HDAC8: variants seen among roughly 807,000 people sequenced by gnomAD.
The protein encoded by HDAC8 is histone deacetylase 8, also known as histone deacetylase-like 1.
Under a neutral mutation model 32.2 loss-of-function variants are expected in HDAC8, and 1 was observed. The ratio of observed to expected loss-of-function variants is 0.03; its 90% CI spans 0.01 to 0.15. HDAC8 has a LOEUF of 0.15. Ranked by LOEUF, HDAC8 falls within the 10% of genes least tolerant of loss-of-function variation. HDAC8 has a pLI of 1.00. For missense variants in HDAC8, 117 were observed against 300.0 expected (o/e 0.39, Z 4.51); for synonymous variants, 108 against 113.9 (o/e 0.95, Z 0.33).
At chrX:72,478,034 A>G (rs1197706686) in intron 7 of HDAC8, among the ~76,000 whole-genome samples, 1 of 112,703 alleles carries the variant, frequency 8.9e-6, no homozygotes, top group East Asian at 2.8e-4. Context: ...AAACACAGGG[A>G]AGCGATTCAT....
At position 72,481,118 on chromosome X, in the gene HDAC8, C is replaced by G. The variant is rs1385731847; in HGVS notation, c.737+7815G>C. On this transcript the variant is annotated intron_variant, in intron 7 of 10. Coordinates refer to ENST00000373573, the MANE Select transcript of HDAC8 (RefSeq NM_018486.3). ...AGAGGTTCTGCAGGGCTGGGGAAGC[C>G]TCAGGAAACTTACAATCATGGCAGA... Among the ~76,000 whole-genome samples the G allele has an allele frequency of 3.6e-5, 4 of 110,613 alleles. No individual in the cohort carries two copies. The Admixed American group carries it at 3.8e-4, about 11-fold the overall frequency.
intron 4 of HDAC8, among the ~76,000 whole-genome samples, chrX:72,499,804 T>G (rs2049146580): frequency 9.0e-6 from 1 of 111,223 alleles, no homozygotes; most frequent in Non-Finnish European, 1.9e-5. Flanking sequence ...TGAAGGAAAT[T>G]GAGACATGAA....
chrX:72,482,412 G>C (rs782527982), intron 7 of HDAC8, among the ~76,000 whole-genome samples: 2 of 112,112 alleles, frequency 1.8e-5, no homozygotes, highest in African/African-American at 6.5e-5. Flanking sequence ...TTTAGGAATT[G>C]AAAACCTAAG....
chrX:72,527,977 T>C (rs782449986), intron 4 of HDAC8, among the ~76,000 whole-genome samples: 72 of 110,008 alleles, frequency 6.5e-4, no homozygotes, highest in Middle Eastern at 4.6e-3. Context: ...GGTTTCACCA[T>C]GTTGGGCAGG....
At chrX:72,470,063 G>A (rs994700373) in intron 7 of HDAC8, among the ~76,000 whole-genome samples, 7 of 109,520 alleles carry the variant, frequency 6.4e-5, no homozygotes, top group African/African-American at 1.3e-4. Flanking sequence ...CAGGAGAATC[G>A]CATGAACCTG....
chrX:72,483,232 T>A (rs1556004054), intron 7 of HDAC8, among the ~76,000 whole-genome samples: 1 of 111,782 alleles, frequency 8.9e-6, no homozygotes, highest in African/African-American at 3.3e-5. Context: ...ATAGTTTGAA[T>A]GTGTGTCCTT....
chrX:72,341,508 T>C (rs782300722), intron 10 of HDAC8, among the ~76,000 whole-genome samples: 1 of 112,007 alleles, frequency 8.9e-6, no homozygotes, highest in African/African-American at 3.2e-5. Context: ...ACTTGGGTAG[T>C]TCTCTGTCAG....
intron 9 of HDAC8, among the ~76,000 whole-genome samples, chrX:72,448,500 A>G (rs1555986074): frequency 8.9e-6 from 1 of 112,205 alleles, no homozygotes; most frequent in Non-Finnish European, 1.9e-5. Context: ...AACCTAGGCA[A>G]TACCATTCAG....
At chrX:72,390,951 TA>T (rs1281309147) in intron 9 of HDAC8, among the ~76,000 whole-genome samples, 1 of 112,108 alleles carries the variant, frequency 8.9e-6, no homozygotes, top group Admixed American at 9.5e-5. Flanking sequence ...TTCTCTTCCT[TA>T]AAAAAACAGA....
intron 4 of HDAC8, among the ~76,000 whole-genome samples, chrX:72,564,841 G>A (rs782019380): frequency 2.8e-4 from 31 of 111,780 alleles, no homozygotes; most frequent in Admixed American, 7.6e-4. Flanking sequence ...TTAGTCCTTC[G>A]TTACTCTTCT....
chrX:72,413,763 G>A (rs782777116), intron 9 of HDAC8, among the ~76,000 whole-genome samples: 1 of 111,644 alleles, frequency 9.0e-6, no homozygotes, highest in South Asian at 3.8e-4. Context: ...AGAAGGATGT[G>A]TTTGCTTCCC....
intron 9 of HDAC8, among the ~76,000 whole-genome samples, chrX:72,371,085 TTTATG>T (rs1165252965): frequency 6.2e-5 from 7 of 112,088 alleles, no homozygotes; most frequent in African/African-American, 2.3e-4. Flanking sequence ...TGGTATTGTG[TTTATG>T]TTAAGAAAAG....
At chrX:72,386,143 C>G (rs1424422058) in intron 9 of HDAC8, among the ~76,000 whole-genome samples, 1 of 111,908 alleles carries the variant, frequency 8.9e-6, no homozygotes, top group African/African-American at 3.2e-5. Flanking sequence ...GTTTAATGGC[C>G]TGAAATGGAT....
intron 9 of HDAC8, among the ~76,000 whole-genome samples, chrX:72,428,818 C>G (rs1169804599): frequency 6.3e-5 from 7 of 111,667 alleles, no homozygotes; most frequent in African/African-American, 2.3e-4. Context: ...CCCTTGCTCT[C>G]CTATCCTACT....
intron 9 of HDAC8, among the ~76,000 whole-genome samples, chrX:72,447,759 T>C (rs1484621138): frequency 2.7e-5 from 3 of 112,142 alleles, no homozygotes; most frequent in Non-Finnish European, 5.6e-5. Flanking sequence ...ACAAAATCAA[T>C]GTGCAAAATT....
chrX:72,560,038 T>C (rs11168624), intron 4 of HDAC8, among the ~76,000 whole-genome samples: 3 of 111,870 alleles, frequency 2.7e-5, no homozygotes, highest in Admixed American at 1.9e-4. Context: ...CCCCTCTGCC[T>C]GGCCACCACC....
intron 4 of HDAC8, among the ~76,000 whole-genome samples, chrX:72,524,005 G>A (rs2050060987): frequency 8.9e-6 from 1 of 111,973 alleles, no homozygotes; most frequent in African/African-American, 3.2e-5. Context: ...AGCCTGTCAT[G>A]TGTTTCTGTA....
intron 9 of HDAC8, among the ~76,000 whole-genome samples, chrX:72,424,605 A>G (rs1277226396): frequency 1.8e-5 from 2 of 111,702 alleles, no homozygotes; most frequent in African/African-American, 6.5e-5. Context: ...TGTACAGTTC[A>G]GTGGTATTAA....
chrX:72,496,578 G>C (rs1178521930), intron 4 of HDAC8, among the ~76,000 whole-genome samples: 2 of 111,270 alleles, frequency 1.8e-5, no homozygotes, highest in Non-Finnish European at 3.8e-5. Context: ...CTTACATTTT[G>C]TAAGTTTACT....
Sources: allele counts gnomAD v4.1 joint callset (sites outside exome capture counted in the v4.1 genomes callset), GRCh38; gene constraint gnomAD v4.1.1; transcripts MANE v1.5; gene names NCBI Gene and HGNC (gene_info 2026-07-23, HGNC 2026-07-21).